GOLGA3: variants seen among roughly 807,000 people sequenced by gnomAD.
The protein encoded by GOLGA3 is golgin subfamily A member 3.
Under a neutral mutation model 169.4 loss-of-function variants are expected in GOLGA3, and 75 were observed. That is an observed-to-expected ratio of 0.44 (90% CI 0.37 to 0.54). The LOEUF (loss-of-function observed/expected upper bound fraction) is 0.54. GOLGA3 is among the 20% of genes least tolerant of loss of function. The pLI, the probability that GOLGA3 is intolerant of heterozygous loss-of-function variation, is 0.00. For missense variants in GOLGA3, 1,899 were observed against 1,930.0 expected, an observed-to-expected ratio of 0.98 and a Z score of 0.30; for synonymous variants, 824 against 822.4, an observed-to-expected ratio of 1.00 and a Z score of -0.03.
At chr12:132,783,129 G>C (rs1329629613) in intron 16 of GOLGA3, among the ~76,000 whole-genome samples, 1 of 152,182 alleles carries the variant, frequency 6.6e-6, no homozygotes, top group Non-Finnish European at 1.5e-5. Flanking sequence ...CTGGGAAGTG[G>C]AGGCTGTGGT....
intron 7 of GOLGA3, among the ~76,000 whole-genome samples, chr12:132,803,411 ACAAACAG>A (rs1362850831): frequency 6.6e-6 from 1 of 152,188 alleles, no homozygotes; most frequent in African/African-American, 2.4e-5. Context: ...CCAGCCATCA[ACAAACAG>A]CAAGGGTATC....
Position 132,822,180 on chromosome 12 carries a change from G to A in GOLGA3, c.-52C>T. 6.4e-7 allele frequency: 1 copy of A among 1,559,936 alleles called. No homozygotes were observed. The highest frequency in any genetic ancestry group is 8.6e-7 in the Non-Finnish European group (1 of 1,162,290). On this transcript the variant is annotated 5_prime_UTR_variant, in exon 2 of 24. It introduces an in-frame stop codon into an upstream open reading frame of the 5' UTR. Transcript: ENST00000450791. ...CGCTGAGGGGCTACAAGTGAACCTT[G>A]GACAAGCTTGGCTTCTGCCATCAGC... is the stretch of plus-strand genomic sequence containing the variant.
At chr12:132,790,090 G>A (rs112695387) in intron 12 of GOLGA3, among the ~76,000 whole-genome samples, 1 of 151,806 alleles carries the variant, frequency 6.6e-6, no homozygotes, top group East Asian at 1.9e-4. Flanking sequence ...CCAGCACTTT[G>A]GGAGGCCAAG....
At position 132,786,785 on chromosome 12, in the gene GOLGA3, C is replaced by T. The variant is rs372071151; in HGVS notation, c.2814G>A (p.Ser938=). 292 of 1,607,010 alleles carry T rather than the reference C, an allele frequency of 1.8e-4. No individual in the cohort carries two copies. The highest frequency in any genetic ancestry group is 1.3e-3 in the Admixed American group (76 of 59,988). The change falls in exon 14 of 24, where the codon TCG becomes TCA. Residue 938 remains serine (S), a splice_region_variant and synonymous_variant. Coordinates refer to ENST00000450791, the MANE Select transcript of GOLGA3 (RefSeq NM_001389683.1). The part of the protein sequence containing the change: ...ERDEMETHLQ[S]LQFDKEQMVA... ...CCATCTGCTCCTTATCGAACTGCAACGACTGTGGAAGGGAAGGAGGGCGTG... is the reference window on the plus strand; with the variant it reads ...CCATCTGCTCCTTATCGAACTGCAATGACTGTGGAAGGGAAGGAGGGCGTG...
chr12:132,774,275 G>A lies in GOLGA3; in HGVS notation c.4189C>T (p.Pro1397Ser), dbSNP rs1302358124. The change falls in exon 23 of 24, where the codon CCC becomes TCC. Residue 1397 changes from proline to serine, a missense_variant. Coordinates refer to ENST00000450791, the MANE Select transcript of GOLGA3 (RefSeq NM_001389683.1). ...GEASSSNPAT[P>S]IKIPDCPVPA... ...ACTGGGCAGTCCGGGATCTTGATGG[G>A]CGTGGCAGGGTTGGAAGAGCTGGCC... The A allele has an allele frequency of 6.2e-7, 1 of 1,612,902 alleles. No individual in the cohort carries two copies. The highest frequency in any genetic ancestry group is 1.7e-5 in the Admixed American group (1 of 60,024).
chr12:132,816,717 C>G lies in GOLGA3; in HGVS notation c.229G>C (p.Asp77His). Residue 77 changes from aspartate (D) to histidine (H), a missense_variant, in exon 3 of 24, where the codon GAC (aspartate) becomes CAC (histidine). Transcript: ENST00000450791. The part of the protein sequence containing the change: ...CQNGPTPPFP[D>H]PPSSLDPTTS... ...GTGGGATCGAGAGACGACGGAGGGT[C>G]TGGGAAGGGTGGCGTTGGCCCGTTC... is the stretch of plus-strand genomic sequence containing the variant. 1 of 1,614,080 alleles carries G rather than the reference C, an allele frequency of 6.2e-7. No individual in the cohort carries two copies. Among genetic ancestry groups the G allele is most frequent in the Non-Finnish European group, 8.5e-7 (1 of 1,179,982 alleles).
Position 132,795,858 on chromosome 12 carries a change from G to C in GOLGA3, c.2463C>G (p.Ser821=), listed in dbSNP as rs202095140. The part of the protein sequence containing the change: ...EKLREELAIK[S]GQVEHLQQET... ...ACACAGCAGAATGCATTACCTGGCC[G>C]GATTTGATAGCTAATTCTTCTCTTA... Residue 821 remains serine (S), a synonymous_variant, in exon 11 of 24, where the codon TCC becomes TCG. Transcript: ENST00000450791. The C allele has an allele frequency of 6.2e-7, 1 of 1,611,246 alleles. No individual in the cohort carries two copies. The highest frequency in any genetic ancestry group is 8.5e-7 in the Non-Finnish European group (1 of 1,177,590).
At chr12:132,789,530 C>A (rs1419336741) in intron 12 of GOLGA3, among the ~76,000 whole-genome samples, 1 of 152,240 alleles carries the variant, frequency 6.6e-6, no homozygotes, top group Non-Finnish European at 1.5e-5. Context: ...ACACCGGCCT[C>A]ATAGACGTCT....
chr12:132,805,075 C>T, intron 6 of GOLGA3, 53 bp from the exon 7 acceptor site: 2 of 1,559,736 alleles, frequency 1.3e-6, no homozygotes, highest in Non-Finnish European at 1.7e-6. Flanking sequence ...TCACTTCCAT[C>T]CAGTGTATTA....
intron 8 of GOLGA3, among the ~76,000 whole-genome samples, chr12:132,799,296 C>T (rs577271323): frequency 1.3e-5 from 2 of 152,138 alleles, no homozygotes; most frequent in African/African-American, 2.4e-5. Context: ...CATTTGGGTA[C>T]CAAAAAAATG....
intron 1 of GOLGA3, among the ~76,000 whole-genome samples, chr12:132,823,423 T>C (rs377114478): frequency 3.9e-5 from 6 of 152,264 alleles, no homozygotes; most frequent in Admixed American, 3.9e-4. Context: ...GTGTTTAACA[T>C]TTTTCATGAG....
At position 132,769,672 on chromosome 12, in the gene GOLGA3, GAC is replaced by G. The variant is rs2136215015; in HGVS notation, c.*3431_*3432del. On this transcript the variant is annotated 3_prime_UTR_variant, in exon 24 of 24. Coordinates refer to ENST00000450791, the MANE Select transcript of GOLGA3 (RefSeq NM_001389683.1). ...ATCGTGAAGTGCCCTAGCCTGTTGT[GAC>G]ACACGGTGTGGGGATGAACACGCCG... 6.6e-6 allele frequency: 1 copy of G among 152,300 alleles called. No individual in the cohort carries two copies. The highest frequency in any genetic ancestry group is 1.9e-4 in the East Asian group (1 of 5,190). The allele number at this position is 152,300 out of a possible 1,614,324, so 9.4% of individuals were successfully genotyped here.
At chr12:132,802,099 A>G in intron 7 of GOLGA3, 130 bp from the exon 8 acceptor site, 1 of 692,336 alleles carries the variant, frequency 1.4e-6, no homozygotes, top group South Asian at 1.8e-5. Flanking sequence ...GTTATTCCCC[A>G]TAGCTGACTC....
chr12:132,769,282 C>T lies in GOLGA3; in HGVS notation c.*3823G>A, dbSNP rs1472076088. ...GGCTCCTCGAAGGGAGGCCCCAGGA[C>T]GGTTCTCTCAGATTTGCTGGTCCCT... On this transcript the variant is annotated 3_prime_UTR_variant, in exon 24 of 24. Coordinates refer to ENST00000450791, the MANE Select transcript of GOLGA3 (RefSeq NM_001389683.1). 3.9e-5 allele frequency: 6 copies of T among 152,282 alleles called. No homozygotes were observed. Among genetic ancestry groups the T allele is most frequent in the Admixed American group, 6.5e-5 (1 of 15,274 alleles). The allele number at this position is 152,282 out of a possible 1,614,324, so 9.4% of individuals were successfully genotyped here.
rs1948823597 is a variant in GOLGA3, at chr12:132,796,182, C to T, written c.2139G>A (p.Glu713=). The change falls in exon 11 of 24, where the codon GAG becomes GAA. Residue 713 remains glutamate (E), a synonymous_variant. Coordinates refer to ENST00000450791, the MANE Select transcript of GOLGA3 (RefSeq NM_001389683.1). The stretch of plus-strand genomic sequence containing the variant: ...GGTCCAGGTGCTCCTGCTGCAAAGC[C>T]TCAAGCTGCTGGTCTCGCTGGAGTA... ...LTLLQRDQQL[E]ALQQEHLDLM... is the part of the protein sequence containing the mutation. 1.2e-6 allele frequency: 2 copies of T among 1,601,298 alleles called. 1 individual carries two copies. Among genetic ancestry groups the T allele is most frequent in the South Asian group, 2.2e-5 (2 of 90,890 alleles).
At chr12:132,807,034 G>A (rs548483207) in intron 6 of GOLGA3, 143 bp downstream of exon 6, 26 of 557,892 alleles carry the variant, frequency 4.7e-5, no homozygotes, top group Non-Finnish European at 6.8e-5. Context: ...GACAAAAAAC[G>A]TAAAGATGCA....
chr12:132,796,817 T>G (rs1305007324), intron 9 of GOLGA3, 117 bp from the exon 10 acceptor site: 2 of 1,016,190 alleles, frequency 2.0e-6, no homozygotes, highest in East Asian at 4.8e-5. Context: ...ATCCACCTCC[T>G]CATCCTGTCT....
At position 132,782,299 on chromosome 12, in the gene GOLGA3, A is replaced by G; in HGVS notation, c.3462T>C (p.Leu1154=). 1.9e-6 allele frequency: 3 copies of G among 1,613,080 alleles called. No homozygotes were observed. Among genetic ancestry groups the G allele is most frequent in the Non-Finnish European group, 2.5e-6 (3 of 1,179,220 alleles). The change falls in exon 17 of 24, where the codon CTT becomes CTC. Residue 1154 remains leucine (L), a synonymous_variant. Transcript: ENST00000450791. ...KREADLVQLN[L]QVQAVLQRKE... is the part of the protein sequence containing the mutation. The stretch of plus-strand genomic sequence containing the variant: ...TGAGTTTGACGAGTTTGAATACCTG[A>G]AGGTTCAACTGGACTAGGTCTGCCT...
intron 17 of GOLGA3, 42 bp downstream of exon 17, chr12:132,782,254 C>A: frequency 2.6e-6 from 4 of 1,511,556 alleles, no homozygotes; most frequent in Non-Finnish European, 2.8e-6. Context: ...GCCCCACCAA[C>A]TCTCACACCG....
Sources: allele counts gnomAD v4.1 joint callset (sites outside exome capture counted in the v4.1 genomes callset), GRCh38; gene constraint gnomAD v4.1.1; transcripts MANE v1.5; gene names NCBI Gene and HGNC (gene_info 2026-07-23, HGNC 2026-07-21).